The following PALLD variants were observed in gnomAD, a reference collection of about 807,000 sequenced individuals.
PALLD encodes palladin.
PALLD carries 61 observed loss-of-function variants against 123.5 expected under a neutral mutation model. The ratio of observed to expected loss-of-function variants is 0.49; its 90% confidence interval spans 0.40 to 0.61. PALLD has a LOEUF of 0.61. PALLD is among the 20% of genes least tolerant of loss of function. The probability of loss-of-function intolerance (pLI) is 0.00; values close to 1 mark genes in which losing one functional copy is unlikely to be tolerated. For synonymous variants in PALLD, 465 were observed against 496.4 expected, an observed-to-expected ratio of 0.94 and a Z score of 0.84; for missense variants, 1,273 against 1,377.0, an observed-to-expected ratio of 0.92 and a Z score of 1.20.
chr4:168,613,563 T>C (rs1313354461), intron 2 of PALLD, among the ~76,000 whole-genome samples: 1 of 152,252 alleles, frequency 6.6e-6, no homozygotes, highest in Non-Finnish European at 1.5e-5. Flanking sequence ...ATTTTGGTTT[T>C]GGCTATAAGG....
At chr4:168,571,487 C>T (rs1342918251) in intron 2 of PALLD, among the ~76,000 whole-genome samples, 1 of 152,136 alleles carries the variant, frequency 6.6e-6, no homozygotes. Flanking sequence ...AACTTATCAA[C>T]CATTCAATTA....
chr4:168,545,478 G>A (rs934541718), intron 2 of PALLD, among the ~76,000 whole-genome samples: 10 of 151,642 alleles, frequency 6.6e-5, no homozygotes, highest in African/African-American at 1.9e-4. Context: ...GCAGTGAGCC[G>A]AGATTGCACC....
intron 8 of PALLD, among the ~76,000 whole-genome samples, chr4:168,693,051 C>T: frequency 6.6e-6 from 1 of 152,280 alleles, no homozygotes; most frequent in South Asian, 2.1e-4. Context: ...CCCCCGCACC[C>T]TGCGTCTTCA....
chr4:168,780,304 CCTA>C (rs1735740126), intron 10 of PALLD, among the ~76,000 whole-genome samples: 2 of 152,224 alleles, frequency 1.3e-5, no homozygotes, highest in Admixed American at 6.5e-5. Context: ...AGATCTATTT[CCTA>C]CCAACCTTTT....
At chr4:168,539,617 A>G (rs1173803027) in intron 2 of PALLD, among the ~76,000 whole-genome samples, 3 of 150,688 alleles carry the variant, frequency 2.0e-5, no homozygotes, top group African/African-American at 7.3e-5. Context: ...ATAAATAAAG[A>G]TGCTTTGGAA....
chr4:168,728,197 T>C (rs1166332688), intron 10 of PALLD, among the ~76,000 whole-genome samples: 1 of 152,252 alleles, frequency 6.6e-6, no homozygotes, highest in Non-Finnish European at 1.5e-5. Flanking sequence ...GGGTTCTTTT[T>C]TGGTTCCATA....
chr4:168,610,334 C>T lies in PALLD; in HGVS notation c.909-57856C>T, dbSNP rs908567994. On this transcript the variant is annotated intron_variant, in intron 2 of 21. Coordinates refer to ENST00000505667, the MANE Select transcript of PALLD (RefSeq NM_001166108.2). ...GCTAGAAGCCAGGGCCTCCATCGGT[C>T]CCCTTCCTAGAGGGCCATTTCAAGG... is the stretch of plus-strand genomic sequence containing the variant. Among the ~76,000 whole-genome samples the T allele has an allele frequency of 5.3e-5, 8 of 152,140 alleles. No individual in the cohort carries two copies. The South Asian group carries it at 1.0e-3, about 20-fold the overall frequency.
intron 2 of PALLD, among the ~76,000 whole-genome samples, chr4:168,589,454 G>A (rs1036162430): frequency 3.3e-5 from 5 of 152,004 alleles, no homozygotes; most frequent in Non-Finnish European, 4.4e-5. Context: ...TTCCTCCTGC[G>A]ACTATCAGTG....
At chr4:168,799,949 T>G (rs1441821407) in intron 10 of PALLD, among the ~76,000 whole-genome samples, 1 of 152,162 alleles carries the variant, frequency 6.6e-6, no homozygotes, top group East Asian at 1.9e-4. Context: ...AGAGATGATT[T>G]TTACATGAGG....
chr4:168,871,155 C>G (rs1751018230), intron 10 of PALLD, among the ~76,000 whole-genome samples: 1 of 152,118 alleles, frequency 6.6e-6, no homozygotes, highest in African/African-American at 2.4e-5. Context: ...TGACTGCATA[C>G]CACTGTTTTG....
intron 2 of PALLD, among the ~76,000 whole-genome samples, chr4:168,547,227 C>T (rs753852292): frequency 1.3e-5 from 2 of 152,116 alleles, no homozygotes; most frequent in African/African-American, 2.4e-5. Flanking sequence ...GGCAAGCACC[C>T]GGCCAGTGAT....
chr4:168,831,725 G>GA (rs1009874447), intron 10 of PALLD, among the ~76,000 whole-genome samples: 4 of 151,846 alleles, frequency 2.6e-5, no homozygotes, highest in East Asian at 1.9e-4. Flanking sequence ...GTCTGTAAAG[G>GA]AAAAAAACAC....
At chr4:168,845,876 C>A (rs969206213) in intron 10 of PALLD, among the ~76,000 whole-genome samples, 5 of 152,216 alleles carry the variant, frequency 3.3e-5, no homozygotes, top group Non-Finnish European at 1.5e-5. Context: ...TTAAGCAGCA[C>A]TTTTGCCAAT....
rs80211217 is a variant in PALLD, at chr4:168,745,671, C to T, written c.1964+33748C>T. ...TTAGGAAGTATGTGTTAAGAGTTCTCTTCTATTTATTATTTTCATTACTTT... is the reference window on the plus strand; with the variant it reads ...TTAGGAAGTATGTGTTAAGAGTTCTTTTCTATTTATTATTTTCATTACTTT... On this transcript the variant is annotated intron_variant, in intron 10 of 21. Coordinates refer to ENST00000505667, the MANE Select transcript of PALLD (RefSeq NM_001166108.2). Among the ~76,000 whole-genome samples the T allele has an allele frequency of 6.9e-4, 105 of 152,168 alleles. 2 individuals are homozygous for T. The East Asian group carries it at 0.02, about 29-fold the overall frequency.
In PALLD at chr4:168,750,982, A is replaced by ATG. The variant is rs1322099523; in HGVS notation, c.1964+39060_1964+39061insGT. ...ACATTCATGAGATCACATATTTTAT[A>ATG]TATGTGTGTGTGTGTGTGTGTGTCT... On this transcript the variant is annotated intron_variant, in intron 10 of 21. Transcript: ENST00000505667. Among the ~76,000 whole-genome samples the ATG allele has an allele frequency of 4.1e-5, 6 of 146,054 alleles. No homozygotes were observed. The South Asian group carries it at 6.9e-4, about 17-fold the overall frequency.
At chr4:168,562,262 A>G (rs569354433) in intron 2 of PALLD, among the ~76,000 whole-genome samples, 1 of 152,310 alleles carries the variant, frequency 6.6e-6, no homozygotes, top group African/African-American at 2.4e-5. Flanking sequence ...GTACTAGGTG[A>G]TTTACATATA....
chr4:168,539,470 C>A (rs1765399227), intron 2 of PALLD, among the ~76,000 whole-genome samples: 1 of 152,052 alleles, frequency 6.6e-6, no homozygotes, highest in Non-Finnish European at 1.5e-5. Context: ...CCCCTGTAAT[C>A]CCAGCTACTC....
chr4:168,878,834 T>C (rs1048623940), intron 10 of PALLD, among the ~76,000 whole-genome samples: 4 of 152,160 alleles, frequency 2.6e-5, no homozygotes, highest in African/African-American at 7.2e-5. Flanking sequence ...CAGGGTCACA[T>C]AGCCACTAAA....
At position 168,512,225 on chromosome 4, in the gene PALLD, C is replaced by A. The variant is rs1490249027; in HGVS notation, c.721C>A (p.His241Asn). 1 of 1,613,710 alleles carries A rather than the reference C, an allele frequency of 6.2e-7. No homozygotes were observed. The highest frequency in any genetic ancestry group is 1.3e-5 in the African/African-American group (1 of 74,894). ...AGAGGTCAAGTCCCCTGGGGCCAGG[C>A]ATTGCTACCAGGACAACCAGGACTT... is the stretch of plus-strand genomic sequence containing the variant. ...EREVKSPGAR[H>N]CYQDNQDLAV... The change falls in exon 2 of 22, where the codon CAT (histidine) becomes AAT (asparagine). Residue 241 changes from histidine (H) to asparagine (N), a missense_variant. By Grantham distance (68) the His-to-Asn change is moderately conservative. Transcript: ENST00000505667.
Sources: allele counts gnomAD v4.1 joint callset (sites outside exome capture counted in the v4.1 genomes callset), GRCh38; gene constraint gnomAD v4.1.1; transcripts MANE v1.5; gene names NCBI Gene and HGNC (gene_info 2026-07-23, HGNC 2026-07-21).